Variants in GRM8 observed in about 807,000 individuals in gnomAD.
GRM8 encodes glutamate metabotropic receptor 8.
Under a neutral mutation model 87.2 loss-of-function variants are expected in GRM8, and 47 were observed. That is an observed-to-expected ratio of 0.54 (90% confidence interval 0.43 to 0.69). The LOEUF (loss-of-function observed/expected upper bound fraction) is 0.69, where lower values mean the gene tolerates loss of function less well. Ranked by LOEUF, GRM8 falls within the 30% of genes least tolerant of loss-of-function variation. The pLI is 0.00. For synonymous variants in GRM8, 396 were observed against 404.5 expected (o/e 0.98, Z 0.25); for missense variants, 1,019 against 1,139.2 (o/e 0.89, Z 1.52).
In GRM8 at chr7:126,527,344, C is replaced by T. The variant is rs546837340; in HGVS notation, c.2430+5608G>A. 1.8e-3 allele frequency among the ~76,000 whole-genome samples: 274 copies of T among 152,060 alleles called. 1 individual carries two copies. Among genetic ancestry groups the T allele is most frequent in the African/African-American group, 5.8e-3 (240 of 41,480 alleles). The stretch of plus-strand genomic sequence containing the variant: ...CTGCACTCCAGCCTGGGCAACAGAG[C>T]GAGACTTCATCTCAAAAAGAAAAGA... On this transcript the variant is annotated intron_variant, in intron 9 of 10. Transcript: ENST00000339582.
Position 126,934,454 on chromosome 7 carries a change from T to C in GRM8, c.728-29771A>G, listed in dbSNP as rs147852075. Among the ~76,000 whole-genome samples, 173 of 152,138 alleles carry C rather than the reference T, an allele frequency of 1.1e-3. 2 individuals are homozygous for C. The highest frequency in any genetic ancestry group is 3.9e-3 in the African/African-American group (160 of 41,512). ...CCAGAGAAATAGCAATACAAAAAAATTGAAAGGCAAATGAATAAAATATAT... is the reference window on the plus strand; with the variant it reads ...CCAGAGAAATAGCAATACAAAAAAACTGAAAGGCAAATGAATAAAATATAT... On this transcript the variant is annotated intron_variant, in intron 3 of 10. Coordinates refer to ENST00000339582, the MANE Select transcript of GRM8 (RefSeq NM_000845.3).
intron 3 of GRM8, among the ~76,000 whole-genome samples, chr7:126,991,852 C>T (rs1009201336): frequency 3.9e-5 from 6 of 151,994 alleles, no homozygotes; most frequent in African/African-American, 1.2e-4. Context: ...ATGGCCCTTC[C>T]CCAAGAAAAA....
chr7:127,206,688 T>C (rs1197252752), intron 2 of GRM8, among the ~76,000 whole-genome samples: 8 of 152,134 alleles, frequency 5.3e-5, no homozygotes, highest in Non-Finnish European at 7.4e-5. Context: ...AATCTTCTCA[T>C]CTGTAATTCA....
chr7:127,129,638 A>C (rs1827564997), intron 2 of GRM8, among the ~76,000 whole-genome samples: 2 of 152,166 alleles, frequency 1.3e-5, no homozygotes, highest in Admixed American at 1.3e-4. Flanking sequence ...TAATTCCCAG[A>C]CCATGGAAAG....
intron 2 of GRM8, among the ~76,000 whole-genome samples, chr7:127,138,128 T>C (rs1399420796): frequency 2.0e-5 from 3 of 152,158 alleles, no homozygotes; most frequent in Non-Finnish European, 2.9e-5. Flanking sequence ...TGAAAACAGA[T>C]AGCACAAGAG....
chr7:126,463,339 C>T (rs1013458105), intron 9 of GRM8, among the ~76,000 whole-genome samples: 1 of 151,420 alleles, frequency 6.6e-6, no homozygotes, highest in Non-Finnish European at 1.5e-5. Context: ...GTGGTGGATA[C>T]GTATCGTATA....
intron 9 of GRM8, among the ~76,000 whole-genome samples, chr7:126,499,188 T>A (rs923076380): frequency 1.3e-5 from 2 of 150,870 alleles, no homozygotes; most frequent in African/African-American, 2.5e-5. Context: ...GGGAAGAGTG[T>A]CTGCAAACTA....
chr7:126,600,407 A>G (rs1313486513), intron 8 of GRM8, among the ~76,000 whole-genome samples: 1 of 152,122 alleles, frequency 6.6e-6, no homozygotes, highest in Non-Finnish European at 1.5e-5. Context: ...GGAAATGATC[A>G]TGCATAGATT....
In GRM8 at chr7:126,580,048, A is replaced by G. The variant is rs532407283; in HGVS notation, c.1494+29314T>C. Among the ~76,000 whole-genome samples, 5 of 152,246 alleles carry G rather than the reference A, an allele frequency of 3.3e-5. No individual in the cohort carries two copies. The South Asian group carries it at 1.0e-3, about 32-fold the overall frequency. ...TTAGTATTTTTAAATTTTTTTCAGT[A>G]AGTTATAAATTAAATACATGCCTAT... On this transcript the variant is annotated intron_variant, in intron 8 of 10. Transcript: ENST00000339582.
intron 2 of GRM8, among the ~76,000 whole-genome samples, chr7:127,135,915 C>T (rs1827923503): frequency 6.6e-6 from 1 of 152,092 alleles, no homozygotes; most frequent in Admixed American, 6.5e-5. Context: ...CTACATCTTG[C>T]ACAATGCTCT....
At chr7:126,522,667 C>A (rs1269338838) in intron 9 of GRM8, among the ~76,000 whole-genome samples, 1 of 152,208 alleles carries the variant, frequency 6.6e-6, no homozygotes, top group Non-Finnish European at 1.5e-5. Flanking sequence ...CAATGCCCAA[C>A]TTTCCCTTCT....
At chr7:127,151,643 C>T (rs936457120) in intron 2 of GRM8, among the ~76,000 whole-genome samples, 8 of 152,124 alleles carry the variant, frequency 5.3e-5, no homozygotes, top group South Asian at 2.1e-4. Context: ...CCTGAGTTTA[C>T]GGCTTTCTAC....
chr7:126,890,934 A>C (rs1800941178), intron 6 of GRM8, among the ~76,000 whole-genome samples: 1 of 152,010 alleles, frequency 6.6e-6, no homozygotes, highest in Admixed American at 6.6e-5. Flanking sequence ...TATACTAGTG[A>C]GGCCCCAATT....
chr7:126,533,699 T>G lies in GRM8; in HGVS notation c.1683A>C (p.Arg561Ser), dbSNP rs1362693523. The change falls in exon 9 of 11, where the codon AGA (arginine) becomes AGC (serine). Residue 561 changes from arginine to serine, a missense_variant. By Grantham distance (110) the Arg-to-Ser change is moderately radical. Coordinates refer to ENST00000339582, the MANE Select transcript of GRM8 (RefSeq NM_000845.3). ...GGCAGCCTGTGCGGTTCATGTTGGG[T>G]CTCTGATCCAGAGGGCAAAGTTCAC... Reference protein sequence around the residue: ...LSCELCPLDQRPNMNRTGCQL... With the variant: ...LSCELCPLDQSPNMNRTGCQL... The G allele has an allele frequency of 6.2e-7, 1 of 1,614,094 alleles. No individual in the cohort carries two copies. Among genetic ancestry groups the G allele is most frequent in the Admixed American group, 1.7e-5 (1 of 60,020 alleles).
At chr7:127,165,749 C>T (rs1793415423) in intron 2 of GRM8, among the ~76,000 whole-genome samples, 1 of 152,162 alleles carries the variant, frequency 6.6e-6, no homozygotes, top group Non-Finnish European at 1.5e-5. Flanking sequence ...CAGCTGTTTT[C>T]CTTTTATATC....
At position 126,441,541 on chromosome 7, in the gene GRM8, G is replaced by A. The variant is rs565669732; in HGVS notation, c.2678-2373C>T. ...TCATGTAATTCTGGAATGAATAATC[G>A]TAAGATAAAAGATACTTTAAAAAGC... On this transcript the variant is annotated intron_variant, in intron 10 of 10. Transcript: ENST00000339582. Among the ~76,000 whole-genome samples the A allele has an allele frequency of 7.2e-5, 11 of 152,124 alleles. No homozygotes were observed. The South Asian group carries it at 1.2e-3, about 17-fold the overall frequency.
intron 6 of GRM8, chr7:126,869,384 T>A (rs1798885589): frequency 6.6e-6 from 1 of 152,238 alleles, no homozygotes; most frequent in Admixed American, 6.5e-5. Flanking sequence ...TCATGATTGT[T>A]CTTAATGGCA....
At chr7:126,771,516 T>G (rs189885091) in intron 6 of GRM8, among the ~76,000 whole-genome samples, 1 of 152,204 alleles carries the variant, frequency 6.6e-6, no homozygotes, top group East Asian at 1.9e-4. Context: ...CTGCTAATTG[T>G]CAATTTTGTC....
chr7:127,245,656 T>TA (rs199621289), intron 1 of GRM8, among the ~76,000 whole-genome samples: 3,620 of 152,284 alleles, frequency 0.024, 59 homozygotes, highest in Non-Finnish European at 0.031. Context: ...CTTTAATTTT[T>TA]AAAAAAAGAT....
Sources: gnomAD v4.1 joint callset for allele counts (sites outside exome capture counted in the v4.1 genomes callset) on GRCh38, gnomAD v4.1.1 for gene constraint, MANE v1.5 for transcripts, NCBI Gene and HGNC (gene_info 2026-07-23, HGNC 2026-07-21) for gene names.